SGCZ: variants seen among roughly 807,000 people sequenced by gnomAD.
SGCZ encodes sarcoglycan zeta, also known as zeta-sarcoglycan.
SGCZ carries 40 observed loss-of-function variants against 41.3 expected under a neutral mutation model. The observed-to-expected ratio is 0.97, with a 90% CI of 0.75 to 1.26. The LOEUF (loss-of-function observed/expected upper bound fraction) is 1.26, where lower values mean the gene tolerates loss of function less well. SGCZ is among the 50% of genes most tolerant of loss of function. The probability of loss-of-function intolerance (pLI) is 0.00; values close to 1 mark genes in which losing one functional copy is unlikely to be tolerated. For missense variants in SGCZ, 552 were observed against 369.8 expected, an observed-to-expected ratio of 1.49 and a Z score of -4.04; for synonymous variants, 206 against 137.5, an observed-to-expected ratio of 1.50 and a Z score of -3.49.
rs1298421912 is a variant in SGCZ at position 15,097,658 on chromosome 8, A to C, written c.39+139927T>G. Among the ~76,000 whole-genome samples, 10 of 151,462 alleles carry C rather than the reference A, an allele frequency of 6.6e-5. No homozygotes were observed. In the East Asian group the frequency reaches 1.8e-3, roughly 27 times the overall value. ...GTAGTACCAGCTACTGAGGCGAGAG[A>C]ATCTCCTGAGCCCAGGAGTTTGATT... is the stretch of plus-strand genomic sequence containing the variant. On this transcript the variant is annotated intron_variant, in intron 1 of 7. Coordinates refer to ENST00000382080, the MANE Select transcript of SGCZ (RefSeq NM_139167.4).
intron 1 of SGCZ, among the ~76,000 whole-genome samples, chr8:15,076,270 AG>A (rs1201123464): frequency 2.6e-5 from 4 of 152,112 alleles, no homozygotes; most frequent in Non-Finnish European, 5.9e-5. Flanking sequence ...TAACAAAGAG[AG>A]CAGAAAGAAA....
At chr8:14,872,479 A>C (rs1488822847) in intron 1 of SGCZ, among the ~76,000 whole-genome samples, 2 of 152,118 alleles carry the variant, frequency 1.3e-5, no homozygotes, top group Non-Finnish European at 2.9e-5. Flanking sequence ...ATGCTGTTTA[A>C]TTAGAAATAC....
At chr8:14,986,694 T>C (rs1398119115) in intron 1 of SGCZ, among the ~76,000 whole-genome samples, 1 of 152,060 alleles carries the variant, frequency 6.6e-6, no homozygotes, top group African/African-American at 2.4e-5. Flanking sequence ...TGAGACCTAA[T>C]TGGAGAAAAT....
chr8:14,313,855 C>T (rs1039626117), intron 3 of SGCZ, among the ~76,000 whole-genome samples: 10 of 151,572 alleles, frequency 6.6e-5, no homozygotes. Flanking sequence ...TCTGCTATGT[C>T]ATCAGCTCTC....
intron 2 of SGCZ, among the ~76,000 whole-genome samples, chr8:14,395,798 G>A (rs1318782936): frequency 6.6e-6 from 1 of 152,146 alleles, no homozygotes; most frequent in African/African-American, 2.4e-5. Context: ...ATCTGCAGGG[G>A]CAACCCAAAG....
chr8:15,130,058 T>A (rs12056853), intron 1 of SGCZ, among the ~76,000 whole-genome samples: 4,354 of 152,268 alleles, frequency 0.029, 144 homozygotes, highest in East Asian at 0.16. Flanking sequence ...CTAATCAGAA[T>A]GAGGCATCCT....
intron 2 of SGCZ, among the ~76,000 whole-genome samples, chr8:14,450,202 C>CA: frequency 6.6e-6 from 1 of 152,310 alleles, no homozygotes; most frequent in South Asian, 2.1e-4. Context: ...CCCAAACCCT[C>CA]AACGAGGGTC....
At position 14,923,039 on chromosome 8, in the gene SGCZ, G is replaced by C. The variant is rs528009984; in HGVS notation, c.39+314546C>G. On this transcript the variant is annotated intron_variant, in intron 1 of 7. Coordinates refer to ENST00000382080, the MANE Select transcript of SGCZ (RefSeq NM_139167.4). ...TTGCCTTTGTTTTGCACACATATTT[G>C]AATTTTTTTAAAGGGCAATTACATG... Among the ~76,000 whole-genome samples, 3 of 152,244 alleles carry C rather than the reference G, an allele frequency of 2.0e-5. No homozygotes were observed. The South Asian group carries it at 6.2e-4, about 32-fold the overall frequency.
intron 2 of SGCZ, among the ~76,000 whole-genome samples, chr8:14,403,542 A>G (rs541209276): frequency 1.3e-5 from 2 of 152,188 alleles, no homozygotes; most frequent in South Asian, 2.1e-4. Context: ...ATCTATTGAG[A>G]TAACCATGTG....
chr8:14,284,499 T>A (rs1251188664), intron 3 of SGCZ, among the ~76,000 whole-genome samples: 1 of 152,228 alleles, frequency 6.6e-6, no homozygotes, highest in Non-Finnish European at 1.5e-5. Context: ...TTTCAAATTA[T>A]CCATGCCTTT....
intron 1 of SGCZ, among the ~76,000 whole-genome samples, chr8:14,890,690 G>A (rs1359028139): frequency 6.6e-6 from 1 of 152,188 alleles, no homozygotes; most frequent in Non-Finnish European, 1.5e-5. Flanking sequence ...TTATTGACAG[G>A]TTTTCAACAT....
At chr8:14,691,410 A>G (rs1024388587) in intron 1 of SGCZ, among the ~76,000 whole-genome samples, 4 of 152,120 alleles carry the variant, frequency 2.6e-5, no homozygotes, top group African/African-American at 9.7e-5. Flanking sequence ...CAAACTGTAA[A>G]TGAGGGAAAG....
intron 1 of SGCZ, among the ~76,000 whole-genome samples, chr8:15,180,589 A>C (rs934859026): frequency 1.3e-5 from 2 of 152,268 alleles, no homozygotes; most frequent in South Asian, 2.1e-4. Flanking sequence ...AGTTAAAAAA[A>C]AAAACAGAGG....
intron 1 of SGCZ, among the ~76,000 whole-genome samples, chr8:14,615,193 T>C (rs1457978263): frequency 1.3e-5 from 2 of 152,324 alleles, no homozygotes; most frequent in Non-Finnish European, 2.9e-5. Flanking sequence ...AGGAGGCCCT[T>C]AACCTGTTGA....
In SGCZ at chr8:14,551,598, T is replaced by TAAAATATATATAATATATATA. The variant is rs1803864620; in HGVS notation, c.234+3133_234+3134insTATATATATTATATATATTTT. On this transcript the variant is annotated intron_variant, in intron 2 of 7. Coordinates refer to ENST00000382080, the MANE Select transcript of SGCZ (RefSeq NM_139167.4). ...TATATATAATATATATAATATATAT[T>TAAAATATATATAATATATATA]ATATATATTATATATATACATAAAA... Among the ~76,000 whole-genome samples, 6 of 26,632 alleles carry TAAAATATATATAATATATATA rather than the reference T, an allele frequency of 2.3e-4. 1 individual carries two copies. Among genetic ancestry groups the TAAAATATATATAATATATATA allele is most frequent in the African/African-American group, 9.1e-4 (5 of 5,516 alleles). 17.5% of individuals were successfully genotyped at this position (26,632 alleles called of 152,430 possible).
chr8:14,158,257 C>T (rs1032338006), intron 5 of SGCZ, among the ~76,000 whole-genome samples: 2 of 152,102 alleles, frequency 1.3e-5, no homozygotes, highest in Non-Finnish European at 2.9e-5. Flanking sequence ...ACTTTAGATT[C>T]TAGAGACTGT....
In SGCZ at chr8:14,382,011, G is replaced by T. The variant is rs185791070; in HGVS notation, c.235-57807C>A. Among the ~76,000 whole-genome samples, 4 of 151,814 alleles carry T rather than the reference G, an allele frequency of 2.6e-5. No homozygotes were observed. The East Asian group carries it at 7.7e-4, about 29-fold the overall frequency. ...TTCCATGTTTAGCTTTGTCATTTCC[G>T]GAGCTTTACCTTGCTAACTCTTGTT... On this transcript the variant is annotated intron_variant, in intron 2 of 7. Transcript: ENST00000382080.
At chr8:14,268,932 A>C (rs1344192093) in intron 3 of SGCZ, among the ~76,000 whole-genome samples, 1 of 151,814 alleles carries the variant, frequency 6.6e-6, no homozygotes, top group African/African-American at 2.4e-5. Context: ...TTTTATTTCA[A>C]ATTATTAAGT....
At chr8:14,804,145 A>C (rs1323083147) in intron 1 of SGCZ, among the ~76,000 whole-genome samples, 3 of 86,836 alleles carry the variant, frequency 3.5e-5, no homozygotes, top group Non-Finnish European at 6.4e-5. Context: ...AGAACAGAAA[A>C]ACTGGAAACT....
Sources: gnomAD v4.1 joint callset for allele counts (sites outside exome capture counted in the v4.1 genomes callset) on GRCh38, gnomAD v4.1.1 for gene constraint, MANE v1.5 for transcripts, NCBI Gene and HGNC (gene_info 2026-07-23, HGNC 2026-07-21) for gene names.